Variants in NYAP2 observed in about 807,000 individuals in gnomAD.
NYAP2 encodes neuronal tyrosine-phosphorylated phosphoinositide-3-kinase adapter 2.
A neutral mutation model predicts 50.4 loss-of-function variants in NYAP2; 23 were observed. The ratio of observed to expected loss-of-function variants is 0.46; its 90% CI spans 0.33 to 0.65. The LOEUF is 0.65. Ranked by LOEUF, NYAP2 falls within the 30% of genes least tolerant of loss-of-function variation. The pLI is 0.02. For synonymous variants in NYAP2, 394 were observed against 365.2 expected (o/e 1.08, Z -0.90); for missense variants, 885 against 861.0 (o/e 1.03, Z -0.35).
chr2:225,480,376 G>A (rs1024124529), intron 3 of NYAP2, among the ~76,000 whole-genome samples: 1 of 151,962 alleles, frequency 6.6e-6, no homozygotes, highest in African/African-American at 2.4e-5. Context: ...GTTAAAAATT[G>A]GAAGCATAAT....
chr2:225,540,695 C>T (rs1258831275), intron 4 of NYAP2, among the ~76,000 whole-genome samples: 1 of 152,198 alleles, frequency 6.6e-6, no homozygotes, highest in Non-Finnish European at 1.5e-5. Context: ...TATTGATGGA[C>T]ACTTAGGTTA....
rs376750469 is a variant in NYAP2, at chr2:225,511,373, C to CACAG, written c.222-1997_222-1996insCAGA. On this transcript the variant is annotated intron_variant, in intron 3 of 6. Coordinates refer to ENST00000636099, the Ensembl canonical transcript of NYAP2. ...ACACACACACACACACACACACACACAGAGAGAGAGAGAGAGAGAGGATAA... is the reference window on the plus strand; with the variant it reads ...ACACACACACACACACACACACACACACAGAGAGAGAGAGAGAGAGAGAGGATAA... Among the ~76,000 whole-genome samples the CACAG allele has an allele frequency of 1.8e-3, 213 of 117,814 alleles. 1 individual carries two copies. Among genetic ancestry groups the CACAG allele is most frequent in the African/African-American group, 6.1e-3 (182 of 30,050 alleles). 77.3% of individuals were successfully genotyped at this position (117,814 alleles called of 152,430 possible). A position where few individuals can be genotyped will look rare whatever the true frequency, so the allele number is the denominator to read the frequency against.
intron 3 of NYAP2, among the ~76,000 whole-genome samples, chr2:225,465,171 A>G (rs1446184881): frequency 2.0e-5 from 3 of 152,154 alleles, no homozygotes; most frequent in Non-Finnish European, 4.4e-5. Flanking sequence ...TGGAGGACAT[A>G]TCGACTTACC....
intron 3 of NYAP2, among the ~76,000 whole-genome samples, chr2:225,475,781 T>C (rs899691508): frequency 2.6e-5 from 4 of 152,188 alleles, no homozygotes; most frequent in Admixed American, 2.0e-4. Flanking sequence ...ACTGAACTGA[T>C]TTCCCAATGA....
rs1574715971 is a variant in NYAP2, at chr2:225,624,214, C to G, written c.1619-2703C>G. Reference sequence around the variant, plus strand: ...TCAGGGTGCTGCCCAATTCACAAATCATTTCTTTTTCTCAAATAAACTCTG... The same window carrying G: ...TCAGGGTGCTGCCCAATTCACAAATGATTTCTTTTTCTCAAATAAACTCTG... On this transcript the variant is annotated intron_variant, in intron 5 of 6. Coordinates refer to ENST00000636099, the Ensembl canonical transcript of NYAP2. Among the ~76,000 whole-genome samples the G allele has an allele frequency of 2.0e-5, 3 of 152,300 alleles. No individual in the cohort carries two copies. In the South Asian group the frequency reaches 6.2e-4, roughly 32 times the overall value.
intron 3 of NYAP2, among the ~76,000 whole-genome samples, chr2:225,412,117 C>A (rs1054307659): frequency 6.2e-4 from 94 of 150,696 alleles, no homozygotes; most frequent in Non-Finnish European, 1.2e-3. Flanking sequence ...CACCACCATG[C>A]CCAGCTAATT....
At chr2:225,417,331 A>G (rs548028606) in intron 3 of NYAP2, among the ~76,000 whole-genome samples, 8 of 152,298 alleles carry the variant, frequency 5.3e-5, no homozygotes, top group Non-Finnish European at 8.8e-5. Flanking sequence ...TGTGTGGGTT[A>G]CCTTAAAATT....
intron 3 of NYAP2, among the ~76,000 whole-genome samples, chr2:225,423,162 C>T (rs112287828): frequency 2.6e-4 from 39 of 152,144 alleles, no homozygotes; most frequent in African/African-American, 9.2e-4. Flanking sequence ...GGTGAAAACA[C>T]GAAGCCTCTG....
chr2:225,444,128 G>C (rs1313785286), intron 3 of NYAP2, among the ~76,000 whole-genome samples: 1 of 152,108 alleles, frequency 6.6e-6, no homozygotes, highest in Admixed American at 6.6e-5. Flanking sequence ...GGCTGAAACT[G>C]TATAAATTTA....
chr2:225,554,680 TG>T (rs1375949004), intron 4 of NYAP2, among the ~76,000 whole-genome samples: 1 of 151,986 alleles, frequency 6.6e-6, no homozygotes, highest in Admixed American at 6.6e-5. Flanking sequence ...TTGTAGGGAT[TG>T]GGGGAGGGGC....
chr2:225,629,189 C>T (rs79523611), intron 6 of NYAP2, among the ~76,000 whole-genome samples: 1 of 152,146 alleles, frequency 6.6e-6, no homozygotes, highest in African/African-American at 2.4e-5. Flanking sequence ...AGTCAAAAAT[C>T]CCAAAAGCTA....
intron 3 of NYAP2, among the ~76,000 whole-genome samples, chr2:225,417,526 A>G (rs1695145954): frequency 6.6e-6 from 1 of 152,186 alleles, no homozygotes; most frequent in Non-Finnish European, 1.5e-5. Context: ...AGAAAAAAAG[A>G]TCACTTAAAA....
At chr2:225,691,828 A>G in the NYAP2 span, among the ~76,000 whole-genome samples, 1 of 152,096 alleles carries the variant, frequency 6.6e-6, no homozygotes, top group Non-Finnish European at 1.5e-5. Flanking sequence ...CTTAAAGGGA[A>G]AATCCAGAGA....
At chr2:225,487,940 A>G (rs1437698951) in intron 3 of NYAP2, among the ~76,000 whole-genome samples, 1 of 152,176 alleles carries the variant, frequency 6.6e-6, no homozygotes, top group Non-Finnish European at 1.5e-5. Flanking sequence ...TGTTTATGGC[A>G]TTGGCTGAAG....
At chr2:225,575,784 G>A (rs1692160432) in intron 4 of NYAP2, among the ~76,000 whole-genome samples, 1 of 152,194 alleles carries the variant, frequency 6.6e-6, no homozygotes, top group Non-Finnish European at 1.5e-5. Context: ...ATCAATTACT[G>A]GAGACTGTCA....
the NYAP2 span, among the ~76,000 whole-genome samples, chr2:225,665,239 G>A: frequency 6.6e-6 from 1 of 151,782 alleles, no homozygotes; most frequent in Non-Finnish European, 1.5e-5. Context: ...TGCTGAGCAG[G>A]TTCCCTAAAC....
chr2:225,701,496 CT>C, the NYAP2 span: 1 of 151,648 alleles, frequency 6.6e-6, no homozygotes, highest in African/African-American at 2.4e-5. Flanking sequence ...ATATAAATTT[CT>C]TTAGAATTGA....
At chr2:225,453,653 G>GTTTT (rs1310685196) in intron 3 of NYAP2, among the ~76,000 whole-genome samples, 2 of 151,706 alleles carry the variant, frequency 1.3e-5, no homozygotes, top group Non-Finnish European at 1.5e-5. Context: ...TTTTTTGTTT[G>GTTTT]TTTGTTTGTT....
intron 4 of NYAP2, among the ~76,000 whole-genome samples, chr2:225,575,961 G>T (rs1406238452): frequency 6.6e-6 from 1 of 152,110 alleles, no homozygotes; most frequent in African/African-American, 2.4e-5. Flanking sequence ...CTAATTTATT[G>T]TTTTAAAATG....
Sources: allele counts gnomAD v4.1 joint callset (sites outside exome capture counted in the v4.1 genomes callset), GRCh38; gene constraint gnomAD v4.1.1; transcripts MANE v1.5; gene names NCBI Gene and HGNC (gene_info 2026-07-23, HGNC 2026-07-21).